Variants in U2SURP observed in about 807,000 individuals in gnomAD.
The protein encoded by U2SURP is U2 snRNP associated SURP domain containing, also known as U2 snRNP-associated SURP motif-containing protein.
A neutral mutation model predicts 144.9 loss-of-function variants in U2SURP; 9 were observed. The ratio of observed to expected loss-of-function variants is 0.06; its 90% CI spans 0.04 to 0.11. The LOEUF (loss-of-function observed/expected upper bound fraction) is 0.11, where lower values mean the gene tolerates loss of function less well. Among genes scored for constraint, U2SURP ranks in the 10% least tolerant of loss-of-function variants. The probability of loss-of-function intolerance (pLI) is 1.00; values close to 1 mark genes in which losing one functional copy is unlikely to be tolerated. For missense variants in U2SURP, 724 were observed against 1,226.7 expected (o/e 0.59, Z 6.12); for synonymous variants, 408 against 396.8 (o/e 1.03, Z -0.33).
intron 1 of U2SURP, chr3:143,002,394 T>C (rs1224868912): frequency 6.6e-6 from 1 of 152,270 alleles, no homozygotes; most frequent in African/African-American, 2.4e-5. Context: ...ATTGCATTTG[T>C]GTTTACAGGG....
intron 24 of U2SURP, among the ~76,000 whole-genome samples, chr3:143,046,761 CCCCACCTT>C (rs1462239250): frequency 2.2e-4 from 28 of 126,418 alleles, no homozygotes; most frequent in African/African-American, 9.2e-4. Flanking sequence ...TCAATCTTTT[CCCCACCTT>C]TCCCCCCCTT....
At chr3:143,010,241 TC>T (rs1936054403) in intron 1 of U2SURP, among the ~76,000 whole-genome samples, 1 of 152,220 alleles carries the variant, frequency 6.6e-6, no homozygotes, top group South Asian at 2.1e-4. Flanking sequence ...ATGAACTCTT[TC>T]TCATGCCACC....
chr3:143,021,577 GT>G, intron 10 of U2SURP, 22 bp downstream of exon 10: 1 of 1,593,314 alleles, frequency 6.3e-7, no homozygotes, highest in Non-Finnish European at 8.6e-7. Context: ...TAAGATGAAT[GT>G]TGATTGATAT....
chr3:143,028,546 A>T lies in U2SURP; in HGVS notation c.1510A>T (p.Arg504Trp). The change falls in exon 16 of 28, where the codon AGG becomes TGG. Residue 504 changes from arginine to tryptophan, a missense_variant. Arg to Trp is a moderately radical substitution (Grantham distance 101, BLOSUM62 -3). Transcript: ENST00000473835. Reference sequence around the variant, plus strand: ...TATGTTCAAAAATGGATCTTTTTGGAGGCCACCACCATTAAATCCGTACTT... The same window carrying T: ...TATGTTCAAAAATGGATCTTTTTGGTGGCCACCACCATTAAATCCGTACTT... ...FRMFKNGSFW[R>W]PPPLNPYLHG... 6.3e-7 allele frequency: 1 copy of T among 1,591,046 alleles called. No homozygotes were observed. Among genetic ancestry groups the T allele is most frequent in the Non-Finnish European group, 8.5e-7 (1 of 1,174,148 alleles).
chr3:143,053,377 A>C (rs1188727130), intron 25 of U2SURP, among the ~76,000 whole-genome samples: 2 of 152,142 alleles, frequency 1.3e-5, no homozygotes, highest in Non-Finnish European at 2.9e-5. Flanking sequence ...TAATTTTCTT[A>C]GGGATGCTTT....
rs989310161 is a variant in U2SURP at position 143,050,397 on chromosome 3, TCTTA to T, written c.2545-539_2545-536del. On this transcript the variant is annotated intron_variant, in intron 24 of 27. Coordinates refer to ENST00000473835, the MANE Select transcript of U2SURP (RefSeq NM_001080415.2). ...CTGGTCTGTTTTAATCAGTATTTGCTCTTACTGTCTCATAAAGTACCCTCCAAAT... is the reference window on the plus strand; with the variant it reads ...CTGGTCTGTTTTAATCAGTATTTGCTCTGTCTCATAAAGTACCCTCCAAAT... Among the ~76,000 whole-genome samples the T allele has an allele frequency of 2.0e-4, 31 of 152,228 alleles. 1 individual carries two copies. Among genetic ancestry groups the T allele is most frequent in the Non-Finnish European group, 1.0e-4 (7 of 68,034 alleles).
chr3:143,011,109 A>G (rs1453579137), intron 2 of U2SURP, among the ~76,000 whole-genome samples: 1 of 151,914 alleles, frequency 6.6e-6, no homozygotes, highest in Non-Finnish European at 1.5e-5. Flanking sequence ...AAATCTGTAC[A>G]TACATAACGT....
intron 1 of U2SURP, 95 bp from the exon 2 acceptor site, chr3:143,010,720 A>G: frequency 1.1e-6 from 1 of 885,528 alleles, no homozygotes; most frequent in Non-Finnish European, 1.6e-6. Flanking sequence ...AAATTGCCAG[A>G]AGTTAGGAAA....
intron 16 of U2SURP, among the ~76,000 whole-genome samples, chr3:143,030,286 A>T (rs923096402): frequency 6.6e-6 from 1 of 152,256 alleles, no homozygotes; most frequent in African/African-American, 2.4e-5. Context: ...GGGCTAATGC[A>T]GCTGGTGACT....
chr3:143,015,466 T>G (rs1352155983), intron 4 of U2SURP, among the ~76,000 whole-genome samples: 2 of 152,112 alleles, frequency 1.3e-5, no homozygotes, highest in Non-Finnish European at 2.9e-5. Context: ...TAAAGAAATT[T>G]CCTCATGTTT....
chr3:143,027,025 T>C, intron 13 of U2SURP, 124 bp from the exon 14 acceptor site: 1 of 720,960 alleles, frequency 1.4e-6, no homozygotes, highest in Admixed American at 2.6e-5. Flanking sequence ...ACTTTTTTGG[T>C]ATTAAATTCG....
chr3:143,059,311 T>C lies in U2SURP; in HGVS notation c.*2861T>C, dbSNP rs1274801618. ...CTACACAGACCTGATTTTTCTTTAT[T>C]GCAGACCATTCTTGTGGGCTTACCC... On this transcript the variant is annotated 3_prime_UTR_variant, in exon 28 of 28. Coordinates refer to ENST00000473835, the MANE Select transcript of U2SURP (RefSeq NM_001080415.2). The C allele has an allele frequency of 1.3e-5, 2 of 152,400 alleles. No individual in the cohort carries two copies. The highest frequency in any genetic ancestry group is 2.9e-5 in the Non-Finnish European group (2 of 67,842). The allele number at this position is 152,400 out of a possible 1,614,324, so 9.4% of individuals were successfully genotyped here.
intron 25 of U2SURP, among the ~76,000 whole-genome samples, chr3:143,051,295 A>G (rs1311702619): frequency 6.6e-6 from 1 of 152,222 alleles, no homozygotes; most frequent in African/African-American, 2.4e-5. Flanking sequence ...TAATTCTGCT[A>G]AGAGCATGCT....
chr3:143,007,249 G>C (rs758065189), intron 1 of U2SURP, among the ~76,000 whole-genome samples: 1 of 151,546 alleles, frequency 6.6e-6, no homozygotes, highest in Admixed American at 6.6e-5. Flanking sequence ...CCCTTAGTCT[G>C]CCTTTTCACT....
chr3:143,043,086 GACAT>G lies in U2SURP; in HGVS notation c.2385-27_2385-24del, dbSNP rs138420597. On this transcript the variant is annotated intron_variant, in intron 23 of 27. Coordinates refer to ENST00000473835, the MANE Select transcript of U2SURP (RefSeq NM_001080415.2). ...AAATATGGTACTCTCTTGCTGCCTT[GACAT>G]ACAATGTATTCTGCTTGTTTCTAAA... is the stretch of plus-strand genomic sequence containing the variant. The G allele has an allele frequency of 8.0e-5, 125 of 1,571,132 alleles. No individual in the cohort carries two copies. In the East Asian group the frequency reaches 1.4e-3, roughly 18 times the overall value.
chr3:143,016,462 A>G lies in U2SURP; in HGVS notation c.436+91A>G, dbSNP rs184067700. 71 of 1,135,048 alleles carry G rather than the reference A, an allele frequency of 6.3e-5. 1 individual carries two copies. In the East Asian group the frequency reaches 9.5e-4, roughly 15 times the overall value. 70.3% of individuals were successfully genotyped at this position (1,135,048 alleles called of 1,614,324 possible). On this transcript the variant is annotated intron_variant, in intron 5 of 27. Coordinates refer to ENST00000473835, the MANE Select transcript of U2SURP (RefSeq NM_001080415.2). ...CTTGGTTGAATGACTGCAGGTAGAT[A>G]ATTATGAAAGGAAGTTTGGTTGCTT... is the stretch of plus-strand genomic sequence containing the variant.
chr3:143,036,894 C>A, intron 20 of U2SURP: 1 of 367,268 alleles, frequency 2.7e-6, no homozygotes. Context: ...CCCTGCAAAA[C>A]AACAGCAAAA....
rs1195640538 is a variant in U2SURP at position 143,056,535 on chromosome 3, CAAATG to C, written c.*89_*93del. On this transcript the variant is annotated 3_prime_UTR_variant, in exon 28 of 28. Transcript: ENST00000473835. ...TCTGTTTTTTAAAAAAACAAAAAAT[CAAATG>C]AAAGAGCATTCCTGGGGTTTTTTGT... 6.6e-6 allele frequency: 10 copies of C among 1,511,772 alleles called. No homozygotes were observed. In the East Asian group the frequency reaches 1.8e-4, roughly 28 times the overall value. 93.6% of individuals were successfully genotyped at this position (1,511,772 alleles called of 1,614,324 possible).
Position 143,016,933 on chromosome 3 carries a change from T to C in U2SURP, c.528T>C (p.Asn176=). ...AAAATCCTCCAAATCAGTCTTCCAA[T>C]GAAAGACCACCATCTCTTCTTGTGA... ...DQKNPPNQSS[N]ERPPSLLVIE... Residue 176 remains asparagine (N), a synonymous_variant, in exon 6 of 28, where the codon AAT becomes AAC. Coordinates refer to ENST00000473835, the MANE Select transcript of U2SURP (RefSeq NM_001080415.2). The C allele has an allele frequency of 6.3e-7, 1 of 1,593,724 alleles. No individual in the cohort carries two copies. Among genetic ancestry groups the C allele is most frequent in the Non-Finnish European group, 8.5e-7 (1 of 1,172,806 alleles).
Sources: gnomAD v4.1 joint callset for allele counts (sites outside exome capture counted in the v4.1 genomes callset) on GRCh38, gnomAD v4.1.1 for gene constraint, MANE v1.5 for transcripts, NCBI Gene and HGNC (gene_info 2026-07-23, HGNC 2026-07-21) for gene names.